Variants in HMBOX1 observed in about 807,000 individuals in gnomAD.
HMBOX1 encodes homeobox-containing protein 1.
A neutral mutation model predicts 54.5 loss-of-function variants in HMBOX1; 14 were observed. That is an observed-to-expected ratio of 0.26 (90% CI 0.17 to 0.40). The LOEUF (loss-of-function observed/expected upper bound fraction) is 0.40, where lower values mean the gene tolerates loss of function less well. Ranked by LOEUF, HMBOX1 falls within the 10% of genes least tolerant of loss-of-function variation. HMBOX1 has a pLI of 1.00. For missense variants in HMBOX1, 332 were observed against 514.4 expected (o/e 0.65, Z 3.43); for synonymous variants, 160 against 181.0 (o/e 0.88, Z 0.93).
chr8:29,004,268 G>A (rs1229239641), intron 4 of HMBOX1, among the ~76,000 whole-genome samples: 1 of 152,150 alleles, frequency 6.6e-6, no homozygotes, highest in Non-Finnish European at 1.5e-5. Flanking sequence ...CAATGTTGTT[G>A]GTAATTGAGA....
chr8:28,970,051 A>G lies in HMBOX1; in HGVS notation c.32A>G (p.Glu11Gly). 6.3e-7 allele frequency: 1 copy of G among 1,598,090 alleles called. No homozygotes were observed. The highest frequency in any genetic ancestry group is 8.6e-7 in the Non-Finnish European group (1 of 1,169,342). The change falls in exon 3 of 10, where the codon GAA becomes GGA. Residue 11 changes from glutamate to glycine, a missense_variant. Coordinates refer to ENST00000287701, the MANE Select transcript of HMBOX1 (RefSeq NM_001135726.3). The surrounding 1 kb of genome is among the most constrained non-coding windows in gnomAD (Gnocchi z 4.3). ...TATCTCTTTTTTTTTAGTTTGCTGGAAACCATGTCTCATTATACAGATGAA... is the reference window on the plus strand; with the variant it reads ...TATCTCTTTTTTTTTAGTTTGCTGGGAACCATGTCTCATTATACAGATGAA... MLSSFPVVLL[E>G]TMSHYTDEPR...
chr8:28,896,128 C>T (rs1812058747), intron 1 of HMBOX1, among the ~76,000 whole-genome samples: 1 of 152,190 alleles, frequency 6.6e-6, no homozygotes, highest in Non-Finnish European at 1.5e-5. Flanking sequence ...ACCTCAGCTT[C>T]CCCATCAATA....
chr8:28,917,366 A>G (rs1026321106), intron 1 of HMBOX1, among the ~76,000 whole-genome samples: 1 of 152,178 alleles, frequency 6.6e-6, no homozygotes, highest in Non-Finnish European at 1.5e-5. Flanking sequence ...TTCATTGTTA[A>G]TAAGTAGAAA....
In HMBOX1 at chr8:29,042,781, G is replaced by A. The variant is rs78793590; in HGVS notation, c.852-2580G>A. 2.0e-3 allele frequency: 897 copies of A among 444,848 alleles called. 6 individuals are homozygous for A. Among genetic ancestry groups the A allele is most frequent in the African/African-American group, 0.016 (781 of 49,758 alleles). 27.6% of individuals were successfully genotyped at this position (444,848 alleles called of 1,614,324 possible). A position where few individuals can be genotyped will look rare whatever the true frequency, so the allele number is the denominator to read the frequency against. On this transcript the variant is annotated intron_variant, in intron 6 of 9. Transcript: ENST00000287701. Reference sequence around the variant, plus strand: ...TCTCCTAAGGGAAGTTGCTGATTTCGCATGCCATGGAGTTCAGGCTAAGAA... The same window carrying A: ...TCTCCTAAGGGAAGTTGCTGATTTCACATGCCATGGAGTTCAGGCTAAGAA...
intron 1 of HMBOX1, among the ~76,000 whole-genome samples, chr8:28,944,129 G>A (rs551181802): frequency 3.9e-5 from 6 of 152,196 alleles, no homozygotes; most frequent in African/African-American, 1.4e-4. Context: ...ATTCAGTTCT[G>A]CATATCATCA....
At chr8:28,908,388 G>T (rs937118481) in intron 1 of HMBOX1, among the ~76,000 whole-genome samples, 10 of 152,114 alleles carry the variant, frequency 6.6e-5, no homozygotes, top group Non-Finnish European at 1.3e-4. Flanking sequence ...TATATAGCTT[G>T]AATTTTTATC....
chr8:28,892,767 A>T (rs933584240), intron 1 of HMBOX1, among the ~76,000 whole-genome samples: 2 of 152,206 alleles, frequency 1.3e-5, no homozygotes, highest in African/African-American at 4.8e-5. Flanking sequence ...TAAATCTCAG[A>T]TGTAGAATAT....
intron 1 of HMBOX1, among the ~76,000 whole-genome samples, chr8:28,931,115 T>A (rs1052286595): frequency 1.3e-5 from 2 of 152,230 alleles, no homozygotes; most frequent in African/African-American, 4.8e-5. Context: ...AAAAAGTGAT[T>A]TTTTTGCATT....
At chr8:29,030,729 T>C (rs1270076561) in intron 6 of HMBOX1, among the ~76,000 whole-genome samples, 1 of 152,204 alleles carries the variant, frequency 6.6e-6, no homozygotes, top group Non-Finnish European at 1.5e-5. Context: ...ATTCTTAGTA[T>C]AACAACATGA....
In HMBOX1 at chr8:28,958,667, TAC is replaced by T. The variant is rs550235623; in HGVS notation, c.-57-5143_-57-5142del. On this transcript the variant is annotated intron_variant, in intron 1 of 9. Transcript: ENST00000287701. ...ATAAAAGTGAAATTACACACATAGA[TAC>T]TCTCTCTATATATATTTATTGTGTG... Among the ~76,000 whole-genome samples, 458 of 152,166 alleles carry T rather than the reference TAC, an allele frequency of 3.0e-3. 3 individuals carry two copies. The highest frequency in any genetic ancestry group is 0.011 in the African/African-American group (436 of 41,524).
intron 4 of HMBOX1, among the ~76,000 whole-genome samples, chr8:28,989,986 G>C (rs1386982580): frequency 6.6e-6 from 1 of 151,984 alleles, no homozygotes; most frequent in African/African-American, 2.4e-5. Flanking sequence ...TTTAATTTCA[G>C]TGCCCGCTTC....
At position 28,917,103 on chromosome 8, in the gene HMBOX1, T is replaced by C. The variant is rs74661961; in HGVS notation, c.-58+26425T>C. On this transcript the variant is annotated intron_variant, in intron 1 of 9. Coordinates refer to ENST00000287701, the MANE Select transcript of HMBOX1 (RefSeq NM_001135726.3). ...AAAAAAAAGAATTACCTTGTTAATA[T>C]ATACCAAAAGATCTTCTAGAATTTT... Among the ~76,000 whole-genome samples, 860 of 151,660 alleles carry C rather than the reference T, an allele frequency of 5.7e-3. 4 individuals are homozygous for C. The highest frequency in any genetic ancestry group is 0.02 in the African/African-American group (835 of 41,358).
At chr8:29,018,948 A>G (rs1297785812) in intron 6 of HMBOX1, 35 bp downstream of exon 6, 5 of 1,606,112 alleles carry the variant, frequency 3.1e-6, no homozygotes, top group Non-Finnish European at 4.3e-6. Context: ...TGATCTCCCA[A>G]ACTTAGGGAA....
intron 1 of HMBOX1, among the ~76,000 whole-genome samples, chr8:28,942,678 A>G (rs905186026): frequency 6.6e-6 from 1 of 152,198 alleles, no homozygotes; most frequent in African/African-American, 2.4e-5. Context: ...AGTCTGTTTC[A>G]TATTAGCACA....
chr8:28,900,267 A>AT (rs1243910972), intron 1 of HMBOX1, among the ~76,000 whole-genome samples: 60 of 54,528 alleles, frequency 1.1e-3, no homozygotes, highest in Non-Finnish European at 1.4e-3. Flanking sequence ...AAAAAAAAAA[A>AT]AAAAATATAT....
chr8:29,048,027 C>A (rs1176086472), intron 8 of HMBOX1, among the ~76,000 whole-genome samples: 1 of 152,076 alleles, frequency 6.6e-6, no homozygotes, highest in Non-Finnish European at 1.5e-5. Context: ...TTAGACATGG[C>A]CCCTGAGCAA....
At chr8:28,969,138 A>C (rs1586167282) in intron 2 of HMBOX1, among the ~76,000 whole-genome samples, 1 of 152,034 alleles carries the variant, frequency 6.6e-6, no homozygotes, top group Non-Finnish European at 1.5e-5. Context: ...GCGCCACTGC[A>C]CTCCAGCCTG....
intron 4 of HMBOX1, among the ~76,000 whole-genome samples, chr8:29,004,716 A>C (rs946184527): frequency 4.6e-5 from 7 of 152,154 alleles, no homozygotes; most frequent in Non-Finnish European, 8.8e-5. Flanking sequence ...GGTAGACAAG[A>C]TAGGTTTTGA....
intron 6 of HMBOX1, among the ~76,000 whole-genome samples, chr8:29,029,293 T>G (rs1462403004): frequency 6.6e-6 from 1 of 152,224 alleles, no homozygotes; most frequent in African/African-American, 2.4e-5. Context: ...TTAGAGACCC[T>G]TTTAATGTCA....
Sources: allele counts gnomAD v4.1 joint callset (sites outside exome capture counted in the v4.1 genomes callset), GRCh38; gene constraint gnomAD v4.1.1; non-coding constraint Gnocchi (gnomAD v3.1); transcripts MANE v1.5; gene names NCBI Gene and HGNC (gene_info 2026-07-23, HGNC 2026-07-21).